FBXL7: variants seen among roughly 807,000 people sequenced by gnomAD.
The protein encoded by FBXL7 is F-box and leucine rich repeat protein 7.
Under a neutral mutation model 38.3 loss-of-function variants are expected in FBXL7, and 12 were observed. The ratio of observed to expected loss-of-function variants is 0.31; its 90% CI spans 0.20 to 0.51. The LOEUF (loss-of-function observed/expected upper bound fraction) is 0.51, where lower values mean the gene tolerates loss of function less well. Among genes scored for constraint, FBXL7 ranks in the 20% least tolerant of loss-of-function variants. The probability of loss-of-function intolerance (pLI) is 0.98; values close to 1 mark genes in which losing one functional copy is unlikely to be tolerated. For missense variants in FBXL7, 567 were observed against 676.4 expected (o/e 0.84, Z 1.79); for synonymous variants, 297 against 300.9 (o/e 0.99, Z 0.13).
intron 2 of FBXL7, among the ~76,000 whole-genome samples, chr5:15,826,294 A>C (rs1271587213): frequency 6.6e-6 from 1 of 152,246 alleles, no homozygotes; most frequent in African/African-American, 2.4e-5. Context: ...CTAAATGTCT[A>C]AAGTTGAGAA....
chr5:15,503,743 T>G (rs1337303892), intron 1 of FBXL7, among the ~76,000 whole-genome samples: 1 of 152,252 alleles, frequency 6.6e-6, no homozygotes, highest in Non-Finnish European at 1.5e-5. Context: ...GCTGAAGTTT[T>G]TCTTTTAATA....
intron 1 of FBXL7, among the ~76,000 whole-genome samples, chr5:15,504,675 A>AT (rs143282771): frequency 0.012 from 1,758 of 152,216 alleles, 36 homozygotes; most frequent in African/African-American, 0.041. Flanking sequence ...TTATGGAGGA[A>AT]TTTTTTTGTG....
chr5:15,926,085 T>C (rs1219981651), intron 2 of FBXL7, among the ~76,000 whole-genome samples: 1 of 152,144 alleles, frequency 6.6e-6, no homozygotes. Context: ...TTTAAATGCA[T>C]TTTCAACCTG....
At chr5:15,693,018 C>T (rs1743227450) in intron 2 of FBXL7, among the ~76,000 whole-genome samples, 1 of 152,160 alleles carries the variant, frequency 6.6e-6, no homozygotes, top group Admixed American at 6.5e-5. Flanking sequence ...CAATGAGTTC[C>T]ATCAGGACCA....
intron 2 of FBXL7, among the ~76,000 whole-genome samples, chr5:15,660,907 TA>T (rs1742046331): frequency 6.6e-6 from 1 of 152,178 alleles, no homozygotes; most frequent in African/African-American, 2.4e-5. Context: ...GTAATCTAAC[TA>T]TTTTTTTTTA....
intron 1 of FBXL7, among the ~76,000 whole-genome samples, chr5:15,585,921 C>T (rs1259802393): frequency 6.6e-6 from 1 of 152,162 alleles, no homozygotes; most frequent in East Asian, 1.9e-4. Flanking sequence ...CTGGAGGAAG[C>T]TTCCCTTTGG....
At chr5:15,586,914 C>T (rs776237055) in intron 1 of FBXL7, among the ~76,000 whole-genome samples, 2 of 152,166 alleles carry the variant, frequency 1.3e-5, no homozygotes, top group Non-Finnish European at 2.9e-5. Flanking sequence ...CCAAGACAGA[C>T]CTTTAGGGAG....
At chr5:15,551,798 A>G (rs899051374) in intron 1 of FBXL7, among the ~76,000 whole-genome samples, 1 of 152,120 alleles carries the variant, frequency 6.6e-6, no homozygotes, top group Non-Finnish European at 1.5e-5. Flanking sequence ...CTTTTGATCT[A>G]TCTCTGCTTC....
chr5:15,822,351 G>A (rs966326648), intron 2 of FBXL7, among the ~76,000 whole-genome samples: 7 of 152,014 alleles, frequency 4.6e-5, no homozygotes, highest in Admixed American at 1.3e-4. Flanking sequence ...GACAGAGCAC[G>A]ACTCCATCTC....
intron 2 of FBXL7, among the ~76,000 whole-genome samples, chr5:15,675,266 C>T (rs1262567438): frequency 6.6e-6 from 1 of 152,184 alleles, no homozygotes; most frequent in Non-Finnish European, 1.5e-5. Context: ...ATGAAATATA[C>T]TTGTATCCCC....
At chr5:15,815,065 T>G (rs181495493) in intron 2 of FBXL7, among the ~76,000 whole-genome samples, 107 of 152,318 alleles carry the variant, frequency 7.0e-4, no homozygotes, top group African/African-American at 2.5e-3. Flanking sequence ...TCTTTGTGTA[T>G]TTAACAATTC....
chr5:15,900,564 C>T (rs544053493), intron 2 of FBXL7, among the ~76,000 whole-genome samples: 14 of 152,088 alleles, frequency 9.2e-5, no homozygotes, highest in South Asian at 4.2e-4. Flanking sequence ...TCCCAGCAAA[C>T]GTTTTATTTT....
intron 2 of FBXL7, among the ~76,000 whole-genome samples, chr5:15,761,316 G>A (rs1188754869): frequency 6.6e-6 from 1 of 151,760 alleles, no homozygotes; most frequent in South Asian, 2.1e-4. Context: ...TCATAATCCC[G>A]TGTTCAGGAA....
chr5:15,837,572 A>G (rs1483279024), intron 2 of FBXL7, among the ~76,000 whole-genome samples: 1 of 152,206 alleles, frequency 6.6e-6, no homozygotes, highest in Non-Finnish European at 1.5e-5. Flanking sequence ...CTTAGATTGA[A>G]TCCAGCAAAG....
chr5:15,696,580 G>T (rs1419805049), intron 2 of FBXL7, among the ~76,000 whole-genome samples: 1 of 152,146 alleles, frequency 6.6e-6, no homozygotes, highest in African/African-American at 2.4e-5. Flanking sequence ...ACCTTGCCCA[G>T]CTTCCTTGCA....
chr5:15,769,124 C>T (rs1736666310), intron 2 of FBXL7, among the ~76,000 whole-genome samples: 1 of 152,190 alleles, frequency 6.6e-6, no homozygotes, highest in Non-Finnish European at 1.5e-5. Flanking sequence ...CGCTGTCTTC[C>T]CACATGGCCT....
At chr5:15,581,410 C>T (rs1739136587) in intron 1 of FBXL7, among the ~76,000 whole-genome samples, 1 of 152,162 alleles carries the variant, frequency 6.6e-6, no homozygotes, top group Non-Finnish European at 1.5e-5. Context: ...GCCAGTCCTG[C>T]TTAGCCTGGT....
intron 2 of FBXL7, among the ~76,000 whole-genome samples, chr5:15,802,103 A>G (rs1310705473): frequency 6.6e-6 from 1 of 152,104 alleles, no homozygotes; most frequent in Non-Finnish European, 1.5e-5. Flanking sequence ...TTCATCAACA[A>G]GCCCACTTGG....
intron 2 of FBXL7, among the ~76,000 whole-genome samples, chr5:15,767,458 C>T (rs1357261392): frequency 6.6e-6 from 1 of 152,076 alleles, no homozygotes; most frequent in Non-Finnish European, 1.5e-5. Context: ...GGCTACAGCT[C>T]GGTGGAACTG....
Sources: allele counts gnomAD v4.1 joint callset (sites outside exome capture counted in the v4.1 genomes callset), GRCh38; gene constraint gnomAD v4.1.1; transcripts MANE v1.5; gene names NCBI Gene and HGNC (gene_info 2026-07-23, HGNC 2026-07-21).